PCNT: variants seen among roughly 807,000 people sequenced by gnomAD.
PCNT encodes kendrin.
A neutral mutation model predicts 380.4 loss-of-function variants in PCNT; 319 were observed. The ratio of observed to expected loss-of-function variants is 0.84; its 90% CI spans 0.77 to 0.92. The LOEUF (loss-of-function observed/expected upper bound fraction) is 0.92, where lower values mean the gene tolerates loss of function less well. Among genes scored for constraint, PCNT ranks in the 40% least tolerant of loss-of-function variants. The pLI, the probability that PCNT is intolerant of heterozygous loss-of-function variation, is 0.00. For synonymous variants in PCNT, 1,845 were observed against 1,735.2 expected (o/e 1.06, Z -1.57); for missense variants, 4,400 against 4,255.3 (o/e 1.03, Z -0.95).
At chr21:46,340,178 C>G (rs1376473817) in intron 3 of PCNT, among the ~76,000 whole-genome samples, 1 of 152,130 alleles carries the variant, frequency 6.6e-6, no homozygotes, top group Non-Finnish European at 1.5e-5. Flanking sequence ...AGAGGAACTC[C>G]TCTTTATAAA....
Position 46,416,290 on chromosome 21 carries a change from C to G in PCNT, c.6372C>G (p.Pro2124=). 2 of 1,614,142 alleles carry G rather than the reference C, an allele frequency of 1.2e-6. No individual in the cohort carries two copies. Among genetic ancestry groups the G allele is most frequent in the Non-Finnish European group, 1.7e-6 (2 of 1,180,016 alleles). The change falls in exon 30 of 47, where the codon CCC becomes CCG. Residue 2124 remains proline, a synonymous_variant. Transcript: ENST00000359568. ...ACGGAGAAGAGCCTGACATATCACC[C>G]CACATAGACACATGTGATGCCAATA... The part of the protein sequence containing the change: ...SCDGEEPDIS[P]HIDTCDANTA...
chr21:46,372,490 C>G (rs1156652196), intron 15 of PCNT, among the ~76,000 whole-genome samples: 2 of 152,200 alleles, frequency 1.3e-5, no homozygotes, highest in Non-Finnish European at 2.9e-5. Flanking sequence ...TGTTCTGGGT[C>G]TGTACGATTT....
At chr21:46,414,781 C>T (rs2147745608) in intron 29 of PCNT, among the ~76,000 whole-genome samples, 1 of 146,296 alleles carries the variant, frequency 6.8e-6, no homozygotes, top group East Asian at 2.0e-4. Flanking sequence ...CCTGGACACA[C>T]AGCCGCCCAC....
chr21:46,365,686 G>T (rs945029259), intron 14 of PCNT, among the ~76,000 whole-genome samples: 2 of 147,300 alleles, frequency 1.4e-5, no homozygotes, highest in Admixed American at 1.3e-4. Context: ...ACTGCCATGG[G>T]GTTCTCCTCA....
In PCNT at chr21:46,402,404, T is replaced by G. The variant is rs1483422593; in HGVS notation, c.5036T>G (p.Leu1679Arg). Residue 1679 changes from leucine to arginine, a missense_variant, in exon 27 of 47, where the codon CTG (leucine) becomes CGG (arginine). Leu to Arg is a moderately radical substitution (Grantham distance 102). Transcript: ENST00000359568. ...AGTAAAAATGAAGAAATACTACATC[T>G]GAACTTAAAATTGGACATGCAGAAC... Reference protein sequence around the residue: ...LESKNEEILHLNLKLDMQNSQ... With the variant: ...LESKNEEILHRNLKLDMQNSQ... 1.2e-6 allele frequency: 2 copies of G among 1,613,360 alleles called. No homozygotes were observed. Among genetic ancestry groups the G allele is most frequent in the Middle Eastern group, 3.3e-4 (2 of 6,062 alleles).
intron 30 of PCNT, 56 bp from the exon 31 acceptor site, chr21:46,418,148 C>G (rs1277275301): frequency 9.0e-7 from 1 of 1,112,012 alleles, no homozygotes; most frequent in South Asian, 1.3e-5. Context: ...CTGGCAAAGT[C>G]AGCGCTATGA....
At chr21:46,365,517 A>ATGGCCTTCTATTCACTGCCG (rs2084884454) in intron 14 of PCNT, among the ~76,000 whole-genome samples, 1 of 60,186 alleles carries the variant, frequency 1.7e-5, no homozygotes, top group East Asian at 7.2e-4. Context: ...GATCACTGCC[A>ATGGCCTTCTATTCACTGCCG]TGGGGTTCTA....
At chr21:46,392,046 G>A (rs1306993750) in intron 21 of PCNT, among the ~76,000 whole-genome samples, 3 of 152,118 alleles carry the variant, frequency 2.0e-5, no homozygotes, top group African/African-American at 2.4e-5. Flanking sequence ...CTTGGGCATC[G>A]CAGGCACCAC....
intron 27 of PCNT, among the ~76,000 whole-genome samples, chr21:46,408,926 G>A (rs559189505): frequency 2.0e-4 from 30 of 151,912 alleles, no homozygotes; most frequent in African/African-American, 5.8e-4. Context: ...GTTTCATCAC[G>A]TTGGCCAGGC....
In PCNT at chr21:46,411,572, A is replaced by T. The variant is rs1184630541; in HGVS notation, c.5499A>T (p.Leu1833=). The part of the protein sequence containing the change: ...RLQGAEEAAE[L]QLAELERNVA... ...AGGGCGCAGAGGAGGCTGCGGAGCT[A>T]CAGCTGGCTGAGCTGGAGCGCAATG... The change falls in exon 28 of 47, where the codon CTA becomes CTT. Residue 1833 remains leucine (L), a synonymous_variant. Transcript: ENST00000359568. 6.2e-7 allele frequency: 1 copy of T among 1,612,768 alleles called. No homozygotes were observed. The highest frequency in any genetic ancestry group is 8.5e-7 in the Non-Finnish European group (1 of 1,179,734).
Position 46,425,682 on chromosome 21 carries a change from C to T in PCNT, c.7180-149C>T, listed in dbSNP as rs1032548368. ...ACCTTGTAGCTTGAGAAGTGGGTGCCGCCTGTACGAAGCCGAGGCGGTGCC... is the reference window on the plus strand; with the variant it reads ...ACCTTGTAGCTTGAGAAGTGGGTGCTGCCTGTACGAAGCCGAGGCGGTGCC... On this transcript the variant is annotated intron_variant, in intron 32 of 46. Transcript: ENST00000359568. The surrounding 1 kb of genome is among the most constrained non-coding windows in gnomAD (Gnocchi z 4.2). 26 of 1,063,088 alleles carry T rather than the reference C, an allele frequency of 2.4e-5. No homozygotes were observed. Among genetic ancestry groups the T allele is most frequent in the Middle Eastern group, 2.9e-4 (1 of 3,422 alleles). 65.9% of individuals were successfully genotyped at this position (1,063,088 alleles called of 1,614,324 possible).
In PCNT at chr21:46,375,668, C is replaced by T. The variant is rs1196021755; in HGVS notation, c.3166-6026C>T. ...CTTCTGCTCGACATTGTGGCCGAGC[C>T]GAGGCCCTGGGCCTGAGGGATCACA... On this transcript the variant is annotated intron_variant, in intron 15 of 46. Coordinates refer to ENST00000359568, the MANE Select transcript of PCNT (RefSeq NM_006031.6). Among the ~76,000 whole-genome samples the T allele has an allele frequency of 2.0e-5, 3 of 152,292 alleles. No individual in the cohort carries two copies. The East Asian group carries it at 5.8e-4, about 30-fold the overall frequency.
intron 3 of PCNT, among the ~76,000 whole-genome samples, chr21:46,341,361 T>A (rs190259412): frequency 6.6e-6 from 1 of 152,158 alleles, no homozygotes; most frequent in East Asian, 1.9e-4. Flanking sequence ...TAGTGAGGTG[T>A]TTGTGTTACT....
In PCNT at chr21:46,355,593, T is replaced by G. The variant is rs752574010; in HGVS notation, c.1903T>G (p.Trp635Gly). The G allele has an allele frequency of 6.2e-7, 1 of 1,613,862 alleles. No individual in the cohort carries two copies. The highest frequency in any genetic ancestry group is 1.1e-5 in the South Asian group (1 of 91,066). The change falls in exon 12 of 47, where the codon TGG becomes GGG. Residue 635 changes from tryptophan to glycine, a missense_variant. Trp to Gly is a radical substitution (Grantham distance 184, BLOSUM62 -2). Coordinates refer to ENST00000359568, the MANE Select transcript of PCNT (RefSeq NM_006031.6). ...CVETSALGHE[W>G]RLEPSEGHSQ... ...AGAGACTTCAGCATTGGGACACGAG[T>G]GGCGTCTGGAACCCTCTGAAGGGCA...
intron 19 of PCNT, 152 bp from the exon 20 acceptor site, chr21:46,390,518 G>A (rs1423042938): frequency 3.8e-6 from 3 of 785,292 alleles, no homozygotes; most frequent in Non-Finnish European, 6.7e-6. Flanking sequence ...GAGGGTGGCT[G>A]AGATGTGCTC....
intron 21 of PCNT, among the ~76,000 whole-genome samples, chr21:46,392,988 T>G (rs2086083922): frequency 6.6e-6 from 1 of 152,250 alleles, no homozygotes; most frequent in Non-Finnish European, 1.5e-5. Context: ...GTATCTTCTT[T>G]TAGTCATTTA....
At chr21:46,417,591 T>G (rs1172390859) in intron 30 of PCNT, among the ~76,000 whole-genome samples, 1 of 152,208 alleles carries the variant, frequency 6.6e-6, no homozygotes, top group Non-Finnish European at 1.5e-5. Flanking sequence ...TGGGATTTTG[T>G]GTATCTTGAG....
intron 21 of PCNT, among the ~76,000 whole-genome samples, chr21:46,392,846 G>C (rs976344815): frequency 1.3e-5 from 2 of 152,200 alleles, no homozygotes; most frequent in African/African-American, 2.4e-5. Context: ...GATGCTGAAG[G>C]ATTAGCCTGG....
chr21:46,401,109 TTA>T (rs557056957), intron 25 of PCNT, among the ~76,000 whole-genome samples: 86 of 152,386 alleles, frequency 5.6e-4, no homozygotes, highest in African/African-American at 1.8e-3. Context: ...GTATGCAATT[TTA>T]TATGTCATGC....
Sources: allele counts gnomAD v4.1 joint callset (sites outside exome capture counted in the v4.1 genomes callset), GRCh38; gene constraint gnomAD v4.1.1; non-coding constraint Gnocchi (gnomAD v3.1); transcripts MANE v1.5; gene names NCBI Gene and HGNC (gene_info 2026-07-23, HGNC 2026-07-21).